TNPO2: variants seen among roughly 807,000 people sequenced by gnomAD.
The protein encoded by TNPO2 is transportin 2, also known as transportin-2.
TNPO2 carries 16 observed loss-of-function variants against 111.1 expected under a neutral mutation model. The observed-to-expected ratio is 0.14, with a 90% confidence interval of 0.10 to 0.22. The LOEUF (loss-of-function observed/expected upper bound fraction) is 0.22, where lower values mean the gene tolerates loss of function less well. Among genes scored for constraint, TNPO2 ranks in the 10% least tolerant of loss-of-function variants. The probability of loss-of-function intolerance (pLI) is 1.00; values close to 1 mark genes in which losing one functional copy is unlikely to be tolerated. For missense variants in TNPO2, 530 were observed against 1,173.7 expected, an observed-to-expected ratio of 0.45 and a Z score of 8.01; for synonymous variants, 481 against 475.8, an observed-to-expected ratio of 1.01 and a Z score of -0.14.
At chr19:12,708,654 G>T (rs1254352427) in intron 13 of TNPO2, among the ~76,000 whole-genome samples, 1 of 151,630 alleles carries the variant, frequency 6.6e-6, no homozygotes, top group Non-Finnish European at 1.5e-5. Flanking sequence ...ATCACCTGAG[G>T]TCAGGAGTTC....
chr19:12,704,467 C>G (rs1032426587), intron 18 of TNPO2, among the ~76,000 whole-genome samples: 2 of 152,156 alleles, frequency 1.3e-5, no homozygotes, highest in Non-Finnish European at 2.9e-5. Flanking sequence ...TCACTTATAT[C>G]TAATACAATG....
chr19:12,714,505 G>C (rs1171792065), intron 10 of TNPO2, among the ~76,000 whole-genome samples: 1 of 151,782 alleles, frequency 6.6e-6, no homozygotes, highest in Non-Finnish European at 1.5e-5. Flanking sequence ...GTAGAAATGG[G>C]GTTTCACCGT....
At position 12,715,223 on chromosome 19, in the gene TNPO2, C is replaced by A. The variant is rs768375347; in HGVS notation, c.648+20G>T. 7 of 1,613,674 alleles carry A rather than the reference C, an allele frequency of 4.3e-6. No individual in the cohort carries two copies. In the Admixed American group the frequency reaches 5.0e-5, roughly 12 times the overall value. Reference sequence around the variant, plus strand: ...GGGCCCTCAGTCCTCGCCCTGCCCACCCCCAGCCCAGCGGCCCACCTCGAT... The same window carrying A: ...GGGCCCTCAGTCCTCGCCCTGCCCAACCCCAGCCCAGCGGCCCACCTCGAT... On this transcript the variant is annotated intron_variant, in intron 8 of 25. Transcript: ENST00000425528. This position sits in a 1 kb window ranked among gnomAD's most constrained non-coding sequence, Gnocchi z 7.1.
intron 10 of TNPO2, among the ~76,000 whole-genome samples, chr19:12,712,861 C>T (rs1182939269): frequency 1.3e-5 from 2 of 152,210 alleles, no homozygotes; most frequent in Non-Finnish European, 2.9e-5. Flanking sequence ...TCTACACTCT[C>T]TCATCGCCGC....
rs767435182 is a variant in TNPO2 at position 12,706,482 on chromosome 19, G to A, written c.1496+88C>T. ...GCCAGTACGAATACGCGATAAATCA[G>A]TTCCACATCAACAGTCACAGGTGTC... is the stretch of plus-strand genomic sequence containing the variant. On this transcript the variant is annotated intron_variant, in intron 14 of 25. Coordinates refer to ENST00000425528, the MANE Select transcript of TNPO2 (RefSeq NM_001382241.1). The surrounding 1 kb of genome is among the most constrained non-coding windows in gnomAD (Gnocchi z 7.0). The A allele has an allele frequency of 6.4e-7, 1 of 1,573,118 alleles. No homozygotes were observed.
Position 12,705,902 on chromosome 19 carries a change from C to A in TNPO2, c.1669-134G>T. Reference sequence around the variant, plus strand: ...GACCCTGAAAGGCCTGCCATCTGGCCAGACCTCGAGGCCTTCATTCTTCTC... The same window carrying A: ...GACCCTGAAAGGCCTGCCATCTGGCAAGACCTCGAGGCCTTCATTCTTCTC... On this transcript the variant is annotated intron_variant, in intron 15 of 25. Transcript: ENST00000425528. The surrounding 1 kb of genome is among the most constrained non-coding windows in gnomAD (Gnocchi z 7.2). 1 of 738,114 alleles carries A rather than the reference C, an allele frequency of 1.4e-6. No homozygotes were observed. Among genetic ancestry groups the A allele is most frequent in the Non-Finnish European group, 2.2e-6 (1 of 463,682 alleles). 45.7% of individuals were successfully genotyped at this position (738,114 alleles called of 1,614,324 possible). A position where few individuals can be genotyped will look rare whatever the true frequency, so the allele number is the denominator to read the frequency against.
chr19:12,706,013 G>T lies in TNPO2; in HGVS notation c.1668+183C>A. 1 of 549,948 alleles carries T rather than the reference G, an allele frequency of 1.8e-6. No individual in the cohort carries two copies. The highest frequency in any genetic ancestry group is 2.9e-6 in the Non-Finnish European group (1 of 342,358). The allele number at this position is 549,948 out of a possible 1,614,324, so 34.1% of individuals were successfully genotyped here. A position where few individuals can be genotyped will look rare whatever the true frequency, so the allele number is the denominator to read the frequency against. On this transcript the variant is annotated intron_variant, in intron 15 of 25. Coordinates refer to ENST00000425528, the MANE Select transcript of TNPO2 (RefSeq NM_001382241.1). The surrounding 1 kb of genome is among the most constrained non-coding windows in gnomAD (Gnocchi z 7.0). ...GTTCCCGAAGCACAGCACTTACCAC[G>T]CTGTCTCATAACTGTCTTTCTCCCC...
At chr19:12,708,343 G>A (rs2025823491) in intron 13 of TNPO2, among the ~76,000 whole-genome samples, 1 of 151,258 alleles carries the variant, frequency 6.6e-6, no homozygotes, top group Non-Finnish European at 1.5e-5. Context: ...TGTTGGCCAT[G>A]CTGGTCTTGA....
At chr19:12,712,731 A>G (rs1394850045) in intron 10 of TNPO2, among the ~76,000 whole-genome samples, 1 of 152,124 alleles carries the variant, frequency 6.6e-6, no homozygotes, top group Non-Finnish European at 1.5e-5. Context: ...TCTGCCTTGT[A>G]TGCAATAAAT....
rs1299445072 is a variant in TNPO2 at position 12,700,882 on chromosome 19, G to A, written c.*382C>T. ...TCCGTGTGAGTGTACGCGTCCCTAC[G>A]AGGGCCCCCCTCCTGACCTGCTCCT... On this transcript the variant is annotated 3_prime_UTR_variant, in exon 26 of 26. Transcript: ENST00000425528. The A allele has an allele frequency of 1.2e-5, 2 of 170,572 alleles. No individual in the cohort carries two copies. The highest frequency in any genetic ancestry group is 5.6e-5 in the Admixed American group (1 of 17,782). The allele number at this position is 170,572 out of a possible 1,614,324, so 10.6% of individuals were successfully genotyped here.
chr19:12,717,957 T>C (rs891425174), intron 5 of TNPO2, among the ~76,000 whole-genome samples: 5 of 152,136 alleles, frequency 3.3e-5, no homozygotes, highest in African/African-American at 1.2e-4. Flanking sequence ...GCTAGGACTA[T>C]AGGCGTGAGT....
At position 12,709,557 on chromosome 19, in the gene TNPO2, C is replaced by T. The variant is rs1599416540; in HGVS notation, c.1270+1064G>A. ...CTGGAACGCAGTGGCGCAATCATGG[C>T]TCACTGCAGCCTTGACCTCTCACCT... is the stretch of plus-strand genomic sequence containing the variant. On this transcript the variant is annotated intron_variant, in intron 13 of 25. Coordinates refer to ENST00000425528, the MANE Select transcript of TNPO2 (RefSeq NM_001382241.1). Among the ~76,000 whole-genome samples, 2 of 152,060 alleles carry T rather than the reference C, an allele frequency of 1.3e-5. 1 individual carries two copies. Among genetic ancestry groups the T allele is most frequent in the South Asian group, 4.2e-4 (2 of 4,814 alleles).
Position 12,705,850 on chromosome 19 carries a change from G to T in TNPO2, c.1669-82C>A. On this transcript the variant is annotated intron_variant, in intron 15 of 25. Transcript: ENST00000425528. This position sits in a 1 kb window ranked among gnomAD's most constrained non-coding sequence, Gnocchi z 7.2. ...AGGTACCTGTTGCCCGAGTGATGAG[G>T]CCTGAGCGCCTCACCGTGGCTCATG... 9.7e-7 allele frequency: 1 copy of T among 1,034,716 alleles called. No individual in the cohort carries two copies. Among genetic ancestry groups the T allele is most frequent in the Non-Finnish European group, 1.4e-6 (1 of 725,660 alleles). The allele number at this position is 1,034,716 out of a possible 1,614,324, so 64.1% of individuals were successfully genotyped here. A position where few individuals can be genotyped will look rare whatever the true frequency, so the allele number is the denominator to read the frequency against.
rs951450502 is a variant in TNPO2, at chr19:12,700,001, CCT to C, written c.*1261_*1262del. 1.3e-5 allele frequency: 2 copies of C among 152,184 alleles called. No homozygotes were observed. The highest frequency in any genetic ancestry group is 2.9e-5 in the Non-Finnish European group (2 of 68,052). The allele number at this position is 152,184 out of a possible 1,614,324, so 9.4% of individuals were successfully genotyped here. On this transcript the variant is annotated 3_prime_UTR_variant, in exon 26 of 26. Coordinates refer to ENST00000425528, the MANE Select transcript of TNPO2 (RefSeq NM_001382241.1). ...AACTGGGAAGTAACTACACCCCCAC[CCT>C]CTCTAGGGGAGCCCCTTCCACCTTG...
At position 12,715,727 on chromosome 19, in the gene TNPO2, G is replaced by C; in HGVS notation, c.338C>G (p.Thr113Ser). 6.2e-7 allele frequency: 1 copy of C among 1,611,892 alleles called. No homozygotes were observed. Among genetic ancestry groups the C allele is most frequent in the Non-Finnish European group, 8.5e-7 (1 of 1,179,226 alleles). Residue 113 changes from threonine (T) to serine (S), a missense_variant, in exon 6 of 26, where the codon ACC becomes AGC. Coordinates refer to ENST00000425528, the MANE Select transcript of TNPO2 (RefSeq NM_001382241.1). The surrounding 1 kb of genome is among the most constrained non-coding windows in gnomAD (Gnocchi z 7.1). ...LIRATIGILI[T>S]TIASKGELQM... ...CAGCTCACCCTTGGAAGCGATGGTG[G>C]TGATGAGAATGCCTGGGGCGGCCGG... is the stretch of plus-strand genomic sequence containing the variant.
chr19:12,711,506 C>T (rs374159683), intron 11 of TNPO2, 45 bp from the exon 12 acceptor site: 56 of 1,613,746 alleles, frequency 3.5e-5, no homozygotes, highest in African/African-American at 1.3e-4. Context: ...ACCACAGCCG[C>T]GACACCCACG....
rs7248726 is a variant in TNPO2 at position 12,705,745 on chromosome 19, G to T, written c.1692C>A (p.Pro564=). ...NQPEYIQKLM[P]PLIQKWNELK... is the part of the protein sequence containing the mutation. ...GCTCATTCCACTTCTGGATCAGTGG[G>T]GGCATCAGCTTCTGGATGTATTCCT... The change falls in exon 16 of 26, where the codon CCC becomes CCA. Residue 564 remains proline, a synonymous_variant. Coordinates refer to ENST00000425528, the MANE Select transcript of TNPO2 (RefSeq NM_001382241.1). This position sits in a 1 kb window ranked among gnomAD's most constrained non-coding sequence, Gnocchi z 7.2. 0.036 allele frequency: 52,372 copies of T among 1,469,786 alleles called. 7,746 individuals are homozygous for T. The African/African-American group carries it at 0.45, about 13-fold the overall frequency. 91.0% of individuals were successfully genotyped at this position (1,469,786 alleles called of 1,614,324 possible). A position where few individuals can be genotyped will look rare whatever the true frequency, so the allele number is the denominator to read the frequency against.
chr19:12,709,615 TACC>T (rs2025919571), intron 13 of TNPO2, among the ~76,000 whole-genome samples: 1 of 151,020 alleles, frequency 6.6e-6, no homozygotes, highest in South Asian at 2.1e-4. Context: ...TATAGGCACT[TACC>T]ACCACGCCGG....
In TNPO2 at chr19:12,720,847, G is replaced by C. The variant is rs1285296919; in HGVS notation, c.99+32C>G. ...TTTGGAAACTGCACGCATCTACCCG[G>C]CTCCCCCAGCCCCGGAAGGAAGGAA... is the stretch of plus-strand genomic sequence containing the variant. On this transcript the variant is annotated intron_variant, in intron 3 of 25. Transcript: ENST00000425528. 1.9e-6 allele frequency: 3 copies of C among 1,559,838 alleles called. No individual in the cohort carries two copies. In the African/African-American group the frequency reaches 4.1e-5, roughly 21 times the overall value.
Sources: allele counts gnomAD v4.1 joint callset (sites outside exome capture counted in the v4.1 genomes callset), GRCh38; gene constraint gnomAD v4.1.1; non-coding constraint Gnocchi (gnomAD v3.1); transcripts MANE v1.5; gene names NCBI Gene and HGNC (gene_info 2026-07-23, HGNC 2026-07-21).